ADGRF5: variants seen among roughly 807,000 people sequenced by gnomAD.
The protein encoded by ADGRF5 is G-protein coupled receptor 116.
Under a neutral mutation model 132.3 loss-of-function variants are expected in ADGRF5, and 75 were observed. The observed-to-expected ratio is 0.57, with a 90% CI of 0.47 to 0.69. The LOEUF (loss-of-function observed/expected upper bound fraction) is 0.69. Ranked by LOEUF, ADGRF5 falls within the 30% of genes least tolerant of loss-of-function variation. The pLI is 0.00. For missense variants in ADGRF5, 1,516 were observed against 1,630.6 expected (o/e 0.93, Z 1.21); for synonymous variants, 629 against 597.6 (o/e 1.05, Z -0.77).
intron 1 of ADGRF5, among the ~76,000 whole-genome samples, chr6:46,927,317 G>T (rs1344555593): frequency 6.6e-6 from 1 of 150,900 alleles, no homozygotes; most frequent in African/African-American, 2.4e-5. Flanking sequence ...GGTGGAGGGG[G>T]GTGGGCAGAG....
At chr6:46,914,869 T>TTTG (rs1562234209) in intron 1 of ADGRF5, among the ~76,000 whole-genome samples, 2 of 151,608 alleles carry the variant, frequency 1.3e-5, no homozygotes, top group African/African-American at 4.9e-5. Flanking sequence ...TTGTTTGTTT[T>TTTG]TTTTGAGACG....
Position 46,855,989 on chromosome 6 carries a change from A to C in ADGRF5, c.3946T>G (p.Leu1316Val). The change falls in exon 20 of 21, where the codon TTG (leucine) becomes GTG (valine). Residue 1316 changes from leucine (L) to valine (V), a missense_variant. Physicochemically the swap from Leu to Val is conservative, Grantham distance 32 (BLOSUM62 1). Around this residue, in one of 2 missense-constraint regions of ADGRF5, gnomAD observed 571 missense variants for 701.2 expected, o/e 0.81. Coordinates refer to ENST00000283296, the MANE Select transcript of ADGRF5 (RefSeq NM_001098518.2). ...SSPISRRFNN[L>V]FGKTGTYNVS... Reference sequence around the variant, plus strand: ...CACTACTCACCTGTTTTACCAAACAAATTGTTAAATCTCCTTGATATTGGA... The same window carrying C: ...CACTACTCACCTGTTTTACCAAACACATTGTTAAATCTCCTTGATATTGGA... 1 of 1,595,768 alleles carries C rather than the reference A, an allele frequency of 6.3e-7. No individual in the cohort carries two copies.
At chr6:46,942,358 T>C (rs1386618132) in intron 1 of ADGRF5, among the ~76,000 whole-genome samples, 1 of 152,226 alleles carries the variant, frequency 6.6e-6, no homozygotes, top group Non-Finnish European at 1.5e-5. Flanking sequence ...TAATCTGTGT[T>C]TGTTATGAAT....
chr6:46,897,145 T>C (rs200979981), intron 3 of ADGRF5, among the ~76,000 whole-genome samples: 1,807 of 141,858 alleles, frequency 0.013, 13 homozygotes, highest in Non-Finnish European at 0.018. Flanking sequence ...TGCATATATA[T>C]ACACACACAC....
At chr6:46,924,216 C>T (rs181970061), upstream of ADGRF5, among the ~76,000 whole-genome samples, 26 of 152,228 alleles carry the variant, frequency 1.7e-4, 1 homozygote, top group East Asian at 4.2e-3. Flanking sequence ...TCCAAGGACC[C>T]TCCTATTTCT....
chr6:46,902,318 G>A (rs1774861407), intron 2 of ADGRF5, among the ~76,000 whole-genome samples: 1 of 152,182 alleles, frequency 6.6e-6, no homozygotes, highest in Non-Finnish European at 1.5e-5. Flanking sequence ...ACAGTTAGGG[G>A]ACTCAGACAA....
At chr6:46,949,219 T>G (rs1778406050) in intron 1 of ADGRF5, among the ~76,000 whole-genome samples, 1 of 152,220 alleles carries the variant, frequency 6.6e-6, no homozygotes, top group Admixed American at 6.5e-5. Flanking sequence ...GACTGCTGCT[T>G]TCTTCCCCCA....
Position 46,871,998 on chromosome 6 carries a change from T to A in ADGRF5, c.1256A>T (p.Asp419Val), listed in dbSNP as rs1771114772. 3 of 1,606,548 alleles carry A rather than the reference T, an allele frequency of 1.9e-6. No individual in the cohort carries two copies. The highest frequency in any genetic ancestry group is 2.6e-6 in the Non-Finnish European group (3 of 1,174,488). ...GTATCTGCTGCAGCTAGAATCTATG[T>A]CTGTCTCAGGGGTTCCTATAATGAG... Reference protein sequence around the residue: ...KINIPGTPETDIDSSCSRYTL... With the variant: ...KINIPGTPETVIDSSCSRYTL... The change falls in exon 11 of 21, where the codon GAC becomes GTC. Residue 419 changes from aspartate (D) to valine (V), a missense_variant. This residue lies in a region of ADGRF5 where 945 missense variants were observed against 929.4 expected (regional missense o/e 1.02). Transcript: ENST00000283296.
intron 11 of ADGRF5, 50 bp from the exon 12 acceptor site, chr6:46,869,142 G>T (rs1770776579): frequency 1.9e-6 from 3 of 1,571,762 alleles, no homozygotes; most frequent in Non-Finnish European, 2.6e-6. Flanking sequence ...CAAGTTCAAT[G>T]TGTAGTATCT....
At chr6:46,922,432 C>T (rs1054326152), upstream of ADGRF5, among the ~76,000 whole-genome samples, 4 of 152,176 alleles carry the variant, frequency 2.6e-5, no homozygotes, top group Non-Finnish European at 5.9e-5. Flanking sequence ...TCCAGGGAAA[C>T]TCTGTGAGTA....
chr6:46,869,534 T>C (rs947989396), intron 11 of ADGRF5, among the ~76,000 whole-genome samples: 2 of 152,206 alleles, frequency 1.3e-5, no homozygotes, highest in African/African-American at 4.8e-5. Flanking sequence ...ACATTGTGTA[T>C]TATTTTCTCT....
intron 16 of ADGRF5, among the ~76,000 whole-genome samples, chr6:46,860,255 T>A (rs1381843393): frequency 6.6e-6 from 1 of 152,188 alleles, no homozygotes; most frequent in East Asian, 1.9e-4. Flanking sequence ...TGTTTGTTTG[T>A]TAACCCTGTC....
chr6:46,887,546 A>G (rs1389718213), intron 4 of ADGRF5, among the ~76,000 whole-genome samples: 2 of 152,232 alleles, frequency 1.3e-5, no homozygotes, highest in African/African-American at 2.4e-5. Context: ...AGTAACATAT[A>G]TTAAGAATCA....
chr6:46,923,557 C>T (rs188260559), upstream of ADGRF5, among the ~76,000 whole-genome samples: 1 of 152,332 alleles, frequency 6.6e-6, no homozygotes, highest in East Asian at 1.9e-4. Context: ...TACACCCTAA[C>T]TTAAAAAGAG....
intron 10 of ADGRF5, among the ~76,000 whole-genome samples, chr6:46,875,349 G>A (rs888649306): frequency 4.6e-5 from 7 of 152,194 alleles, no homozygotes; most frequent in Non-Finnish European, 1.0e-4. Context: ...CTGGAGAAGA[G>A]AAGGTATGCA....
intron 2 of ADGRF5, among the ~76,000 whole-genome samples, chr6:46,901,389 T>G (rs893358134): frequency 6.6e-6 from 1 of 152,136 alleles, no homozygotes; most frequent in Non-Finnish European, 1.5e-5. Context: ...CCCACAGAGA[T>G]CTGTGCTTTA....
At chr6:46,919,466 A>C (rs919795459) in intron 1 of ADGRF5, among the ~76,000 whole-genome samples, 3 of 152,228 alleles carry the variant, frequency 2.0e-5, no homozygotes, top group African/African-American at 7.2e-5. Flanking sequence ...TGAATGCATA[A>C]TATTTAGGAG....
intron 8 of ADGRF5, among the ~76,000 whole-genome samples, chr6:46,880,950 G>C (rs1581826375): frequency 6.6e-6 from 1 of 151,716 alleles, no homozygotes. Context: ...AAAAAAAAAT[G>C]TTAGCTGAGT....
intron 1 of ADGRF5, among the ~76,000 whole-genome samples, chr6:46,941,443 AAAG>A (rs1339451744): frequency 2.2e-5 from 1 of 46,428 alleles, no homozygotes; most frequent in African/African-American, 6.3e-5. Context: ...AAAGAAAAGA[AAAG>A]AAAAGAAAAG....
Sources: allele counts gnomAD v4.1 joint callset (sites outside exome capture counted in the v4.1 genomes callset), GRCh38; gene constraint gnomAD v4.1.1; regional missense constraint gnomAD v4.1.1; transcripts MANE v1.5; gene names NCBI Gene and HGNC (gene_info 2026-07-23, HGNC 2026-07-21).